Variants in FBXL17 observed in about 807,000 individuals in gnomAD.
FBXL17 encodes F-box and leucine rich repeat protein 17, also known as F-box/LRR-repeat protein 17.
Under a neutral mutation model 66.2 loss-of-function variants are expected in FBXL17, and 22 were observed. The ratio of observed to expected loss-of-function variants is 0.33; its 90% CI spans 0.24 to 0.47. The LOEUF (loss-of-function observed/expected upper bound fraction) is 0.47. Among genes scored for constraint, FBXL17 ranks in the 20% least tolerant of loss-of-function variants. The pLI, the probability that FBXL17 is intolerant of heterozygous loss-of-function variation, is 1.00. For synonymous variants in FBXL17, 474 were observed against 400.5 expected (o/e 1.18, Z -2.19); for missense variants, 878 against 948.2 (o/e 0.93, Z 0.97).
At chr5:108,204,753 G>A (rs1754043173) in intron 5 of FBXL17, among the ~76,000 whole-genome samples, 1 of 151,990 alleles carries the variant, frequency 6.6e-6, no homozygotes, top group Non-Finnish European at 1.5e-5. Flanking sequence ...ATATTGAATA[G>A]TACAATTTTA....
At chr5:108,142,060 T>G (rs1751370385) in intron 6 of FBXL17, among the ~76,000 whole-genome samples, 1 of 152,244 alleles carries the variant, frequency 6.6e-6, no homozygotes, top group African/African-American at 2.4e-5. Flanking sequence ...ACATTTATCT[T>G]TAAATCCCTG....
At chr5:108,172,560 AAGGACAAAAGT>A (rs1418658049) in intron 6 of FBXL17, among the ~76,000 whole-genome samples, 1 of 152,174 alleles carries the variant, frequency 6.6e-6, no homozygotes, top group Non-Finnish European at 1.5e-5. Context: ...AGAAGTTCTG[AAGGACAAAAGT>A]AGGTACTAGC....
At chr5:108,034,530 C>CA (rs1554058969) in intron 6 of FBXL17, among the ~76,000 whole-genome samples, 1 of 151,372 alleles carries the variant, frequency 6.6e-6, no homozygotes, top group African/African-American at 2.4e-5. Flanking sequence ...AAAGGAATTT[C>CA]TTTTTTTTTA....
chr5:108,115,080 G>A (rs1339306273), intron 6 of FBXL17, among the ~76,000 whole-genome samples: 3 of 152,120 alleles, frequency 2.0e-5, no homozygotes, highest in East Asian at 1.9e-4. Context: ...AATTCAAGAC[G>A]TATTTAAAGA....
intron 6 of FBXL17, among the ~76,000 whole-genome samples, chr5:108,177,934 C>CAT (rs1752858161): frequency 4.6e-5 from 4 of 86,478 alleles, no homozygotes; most frequent in African/African-American, 1.5e-4. Context: ...TATATATATA[C>CAT]ACACACACAC....
intron 5 of FBXL17, among the ~76,000 whole-genome samples, chr5:108,204,656 G>T (rs1754037684): frequency 1.3e-5 from 2 of 152,028 alleles, no homozygotes; most frequent in Admixed American, 6.6e-5. Flanking sequence ...GACTCTACAG[G>T]TAGCCTATTC....
At chr5:108,115,860 T>C (rs1308204843) in intron 6 of FBXL17, among the ~76,000 whole-genome samples, 4 of 152,156 alleles carry the variant, frequency 2.6e-5, no homozygotes, top group East Asian at 1.9e-4. Flanking sequence ...AGGTAAGATA[T>C]TCATCTACTT....
intron 6 of FBXL17, among the ~76,000 whole-genome samples, chr5:108,181,155 C>G (rs1330467843): frequency 6.6e-6 from 1 of 152,092 alleles, no homozygotes; most frequent in Non-Finnish European, 1.5e-5. Flanking sequence ...TGCTTCTGGA[C>G]TCCGCGTCAA....
intron 5 of FBXL17, among the ~76,000 whole-genome samples, chr5:108,202,534 G>A (rs1270157629): frequency 6.6e-6 from 1 of 152,048 alleles, no homozygotes; most frequent in Non-Finnish European, 1.5e-5. Context: ...CTTAGCCAAG[G>A]GAGATGCAAT....
intron 6 of FBXL17, among the ~76,000 whole-genome samples, chr5:108,172,782 C>A (rs763309379): frequency 1.3e-5 from 2 of 152,052 alleles, no homozygotes; most frequent in African/African-American, 2.4e-5. Flanking sequence ...TTTTTACCTA[C>A]AAGAGCAGCT....
chr5:107,992,088 TTGTGTGTGTGTGTGTG>T (rs3039988), intron 7 of FBXL17, among the ~76,000 whole-genome samples: 6 of 149,132 alleles, frequency 4.0e-5, no homozygotes, highest in Non-Finnish European at 7.4e-5. Context: ...ATCATATTAA[TTGTGTGTGTGTGTGTG>T]TGTGTGTGTG....
chr5:108,221,114 T>C (rs756069041), intron 5 of FBXL17, among the ~76,000 whole-genome samples: 1 of 152,198 alleles, frequency 6.6e-6, no homozygotes, highest in Non-Finnish European at 1.5e-5. Flanking sequence ...TATCCCAATA[T>C]TGCTTGAGAT....
At chr5:108,102,356 C>T (rs149457) in intron 6 of FBXL17, among the ~76,000 whole-genome samples, 28,070 of 152,076 alleles carry the variant, frequency 0.18, 2,878 homozygotes, top group South Asian at 0.41. Context: ...TTATGTCTAT[C>T]ATATTTTTAG....
chr5:107,908,675 C>A (rs1014698047), intron 7 of FBXL17, among the ~76,000 whole-genome samples: 10 of 152,098 alleles, frequency 6.6e-5, no homozygotes, highest in Non-Finnish European at 1.3e-4. Context: ...CACAAGACAG[C>A]TGAAAAGTGA....
chr5:108,052,027 G>A (rs1274533950), intron 6 of FBXL17, among the ~76,000 whole-genome samples: 1 of 150,290 alleles, frequency 6.7e-6, no homozygotes, highest in East Asian at 2.0e-4. Context: ...GCAGGAGAAT[G>A]GCGTGAACCT....
intron 8 of FBXL17, among the ~76,000 whole-genome samples, chr5:107,868,071 C>T (rs1041252127): frequency 8.5e-5 from 13 of 152,180 alleles, no homozygotes; most frequent in Non-Finnish European, 1.8e-4. Context: ...CAGTGAACAT[C>T]TATTATTTCC....
Position 108,130,118 on chromosome 5 carries a change from A to T in FBXL17, c.1745+55999T>A, listed in dbSNP as rs1580483930. On this transcript the variant is annotated intron_variant, in intron 6 of 8. Coordinates refer to ENST00000542267, the MANE Select transcript of FBXL17 (RefSeq NM_001163315.3). ...AAGACTTTGTCATACACGTTTATAT[A>T]ACCATGAACATAGTAAATATAATTT... 2.0e-5 allele frequency among the ~76,000 whole-genome samples: 3 copies of T among 151,850 alleles called. No homozygotes were observed. In the East Asian group the frequency reaches 5.8e-4, roughly 29 times the overall value.
chr5:108,374,118 C>T (rs543882124), intron 1 of FBXL17, among the ~76,000 whole-genome samples: 96 of 152,236 alleles, frequency 6.3e-4, no homozygotes, highest in African/African-American at 2.2e-3. Flanking sequence ...GAGACTACAA[C>T]GTACAACTTT....
chr5:107,990,619 T>C (rs1463695272), intron 7 of FBXL17, among the ~76,000 whole-genome samples: 1 of 152,164 alleles, frequency 6.6e-6, no homozygotes, highest in Non-Finnish European at 1.5e-5. Flanking sequence ...TGATACTTGA[T>C]TAAGTTGATA....
Sources: allele counts gnomAD v4.1 joint callset (sites outside exome capture counted in the v4.1 genomes callset), GRCh38; gene constraint gnomAD v4.1.1; transcripts MANE v1.5; gene names NCBI Gene and HGNC (gene_info 2026-07-23, HGNC 2026-07-21).